Variants in HACE1 observed in about 807,000 individuals in gnomAD.
HACE1 encodes E3 ubiquitin-protein ligase HACE1.
HACE1 carries 73 observed loss-of-function variants against 118.4 expected under a neutral mutation model. That is an observed-to-expected ratio of 0.62 (90% confidence interval 0.51 to 0.75). The LOEUF (loss-of-function observed/expected upper bound fraction) is 0.75, where lower values mean the gene tolerates loss of function less well. Ranked by LOEUF, HACE1 falls within the 30% of genes least tolerant of loss-of-function variation. The pLI is 0.00. For missense variants in HACE1, 749 were observed against 1,102.2 expected, an observed-to-expected ratio of 0.68 and a Z score of 4.54; for synonymous variants, 368 against 374.8, an observed-to-expected ratio of 0.98 and a Z score of 0.21.
chr6:104,771,281 A>G lies in HACE1; in HGVS notation c.2123T>C (p.Phe708Ser). 6.2e-7 allele frequency: 1 copy of G among 1,613,498 alleles called. No homozygotes were observed. Among genetic ancestry groups the G allele is most frequent in the Non-Finnish European group, 8.5e-7 (1 of 1,179,420 alleles). The change falls in exon 19 of 24, where the codon TTT becomes TCT. Residue 708 changes from phenylalanine (F) to serine (S), a missense_variant. This residue lies in a region of HACE1 where 2 missense variants were observed against 18.9 expected (regional missense o/e 0.11). Transcript: ENST00000262903. ...DISDLGLELTFSVETDVFGAM... is the reference protein window; with the variant it reads ...DISDLGLELTSSVETDVFGAM... ...TCCAAACACATCAGTCTCAACAGAA[A>G]AAGTTAGTTCTAGACCCAGATCACT...
intron 19 of HACE1, 43 bp from the exon 20 acceptor site, chr6:104,750,515 T>C: frequency 6.4e-7 from 1 of 1,550,484 alleles, no homozygotes; most frequent in Non-Finnish European, 8.9e-7. Flanking sequence ...CAAAAACCTT[T>C]TACATACTTA....
chr6:104,843,139 T>C (rs930470005), intron 5 of HACE1, 84 bp downstream of exon 5: 3 of 797,298 alleles, frequency 3.8e-6, no homozygotes, highest in African/African-American at 1.7e-5. Flanking sequence ...GAAACACTTG[T>C]ACTACACTTT....
chr6:104,741,548 C>G (rs1421742610), intron 22 of HACE1, among the ~76,000 whole-genome samples: 1 of 110,368 alleles, frequency 9.1e-6, no homozygotes, highest in East Asian at 2.4e-4. Flanking sequence ...CATGAGTGAA[C>G]TCCCATTCAC....
intron 6 of HACE1, among the ~76,000 whole-genome samples, chr6:104,818,775 C>T (rs1239876481): frequency 6.6e-6 from 1 of 151,698 alleles, no homozygotes; most frequent in Non-Finnish European, 1.5e-5. Flanking sequence ...GAACTAAAGA[C>T]AAAAACCACA....
intron 19 of HACE1, among the ~76,000 whole-genome samples, chr6:104,757,107 CCT>C (rs1778797398): frequency 6.6e-6 from 1 of 152,188 alleles, no homozygotes; most frequent in Non-Finnish European, 1.5e-5. Flanking sequence ...AGGCCTACTG[CCT>C]CTCTAGATTC....
In HACE1 at chr6:104,753,239, C is replaced by G. The variant is rs1047000920; in HGVS notation, c.2212-2767G>C. 5.3e-5 allele frequency among the ~76,000 whole-genome samples: 8 copies of G among 152,308 alleles called. No homozygotes were observed. The East Asian group carries it at 1.5e-3, about 29-fold the overall frequency. On this transcript the variant is annotated intron_variant, in intron 19 of 23. Coordinates refer to ENST00000262903, the MANE Select transcript of HACE1 (RefSeq NM_020771.4). ...TTCTAAGGACAGCGCTTTGGTATCTCACTGGGACCGAGCTCCGGGGACAAG... is the reference window on the plus strand; with the variant it reads ...TTCTAAGGACAGCGCTTTGGTATCTGACTGGGACCGAGCTCCGGGGACAAG...
Position 104,804,267 on chromosome 6 carries a change from A to G in HACE1, c.617+7044T>C, listed in dbSNP as rs577539051. The stretch of plus-strand genomic sequence containing the variant: ...ATGCTCATGGATAGGAAGAATCAAT[A>G]TCGTGAAAATGGCCATACTGCCCAA... On this transcript the variant is annotated intron_variant, in intron 7 of 23. Coordinates refer to ENST00000262903, the MANE Select transcript of HACE1 (RefSeq NM_020771.4). Among the ~76,000 whole-genome samples the G allele has an allele frequency of 6.1e-4, 93 of 152,384 alleles. 1 individual carries two copies. The highest frequency in any genetic ancestry group is 6.8e-4 in the Non-Finnish European group (46 of 68,042).
chr6:104,818,346 A>G (rs1772329033), intron 6 of HACE1, among the ~76,000 whole-genome samples: 1 of 152,148 alleles, frequency 6.6e-6, no homozygotes, highest in African/African-American at 2.4e-5. Flanking sequence ...AATAGGAATG[A>G]GATGGAAAGT....
intron 14 of HACE1, among the ~76,000 whole-genome samples, chr6:104,778,428 G>A (rs1301722783): frequency 6.6e-6 from 1 of 151,994 alleles, no homozygotes; most frequent in Non-Finnish European, 1.5e-5. Flanking sequence ...AGCTATAGAA[G>A]TCCTGGTCAT....
chr6:104,785,192 T>C lies in HACE1; in HGVS notation c.1202A>G (p.Asp401Gly). The C allele has an allele frequency of 6.2e-7, 1 of 1,614,036 alleles. No homozygotes were observed. ...ILLKQKGQDQ[D>G]AASIPPFEPP... ...TTCAAATGGAGGAATGGAAGCAGCA[T>C]CTTGATCTTGGCCTTTTTGTTTCAG... is the stretch of plus-strand genomic sequence containing the variant. Residue 401 changes from aspartate (D) to glycine (G), a missense_variant, in exon 12 of 24, where the codon GAT (aspartate) becomes GGT (glycine). Asp to Gly is a moderately conservative substitution (Grantham distance 94, BLOSUM62 -1). Transcript: ENST00000262903.
At chr6:104,851,027 G>A (rs758489644) in intron 2 of HACE1, 31 bp from the exon 3 acceptor site, 1 of 1,301,244 alleles carries the variant, frequency 7.7e-7, no homozygotes, top group Non-Finnish European at 1.1e-6. Flanking sequence ...GGAATCAAGT[G>A]TAAAAAAAGT....
At chr6:104,834,850 G>C (rs1428609433) in intron 5 of HACE1, among the ~76,000 whole-genome samples, 2 of 152,184 alleles carry the variant, frequency 1.3e-5, no homozygotes, top group Non-Finnish European at 2.9e-5. Flanking sequence ...TATTTAATAA[G>C]ATTTAGAGCC....
intron 14 of HACE1, among the ~76,000 whole-genome samples, chr6:104,782,833 A>G (rs151011925): frequency 1.2e-4 from 19 of 152,340 alleles, no homozygotes; most frequent in African/African-American, 4.1e-4. Flanking sequence ...GTGTCCCTAA[A>G]GACATTAAAA....
chr6:104,741,496 A>C (rs2114484055), intron 22 of HACE1, among the ~76,000 whole-genome samples: 1 of 132,566 alleles, frequency 7.5e-6, no homozygotes, highest in South Asian at 2.5e-4. Flanking sequence ...AAAAATCACA[A>C]GCATTCTTAT....
chr6:104,788,485 GTAT>G (rs959572774), intron 11 of HACE1, among the ~76,000 whole-genome samples: 11 of 152,192 alleles, frequency 7.2e-5, no homozygotes, highest in African/African-American at 2.4e-4. Context: ...TGGCAGAAAA[GTAT>G]TATTAACTTA....
intron 6 of HACE1, chr6:104,831,356 A>G: frequency 6.6e-6 from 1 of 152,246 alleles, no homozygotes. Context: ...AGGCTGAGGC[A>G]GGCAGATCAC....
chr6:104,780,353 C>T (rs1383954404), intron 14 of HACE1: 2 of 452,576 alleles, frequency 4.4e-6, no homozygotes, highest in Admixed American at 2.4e-5. Context: ...TCTAGAGTAC[C>T]TGCATTTCCA....
chr6:104,858,914 C>G (rs771252638), intron 1 of HACE1, among the ~76,000 whole-genome samples: 8 of 152,194 alleles, frequency 5.3e-5, no homozygotes, highest in Non-Finnish European at 1.0e-4. Context: ...TCCTCAGGGA[C>G]CATGCCTTAT....
chr6:104,767,462 TC>T (rs1211752713), intron 19 of HACE1, among the ~76,000 whole-genome samples: 1 of 152,194 alleles, frequency 6.6e-6, no homozygotes, highest in Non-Finnish European at 1.5e-5. Flanking sequence ...CTCTCAGTTG[TC>T]CTGACTCTAG....
Sources: allele counts gnomAD v4.1 joint callset (sites outside exome capture counted in the v4.1 genomes callset), GRCh38; gene constraint gnomAD v4.1.1; regional missense constraint gnomAD v4.1.1; transcripts MANE v1.5; gene names NCBI Gene and HGNC (gene_info 2026-07-23, HGNC 2026-07-21).